CSMD3: variants seen among roughly 807,000 people sequenced by gnomAD.
CSMD3 encodes the protein CUB and Sushi multiple domains 3.
Under a neutral mutation model 435.2 loss-of-function variants are expected in CSMD3, and 177 were observed. The ratio of observed to expected loss-of-function variants is 0.41; its 90% CI spans 0.36 to 0.46. The LOEUF is 0.46. CSMD3 is among the 20% of genes least tolerant of loss of function. The probability of loss-of-function intolerance (pLI) is 0.34; values close to 1 mark genes in which losing one functional copy is unlikely to be tolerated. For missense variants in CSMD3, 4,265 were observed against 4,504.6 expected (o/e 0.95, Z 1.52); for synonymous variants, 1,656 against 1,520.5 (o/e 1.09, Z -2.07).
At chr8:113,081,263 A>G (rs1405134734) in intron 5 of CSMD3, among the ~76,000 whole-genome samples, 3 of 152,176 alleles carry the variant, frequency 2.0e-5, no homozygotes, top group Non-Finnish European at 2.9e-5. Context: ...CTACAGATCC[A>G]TGTTCACTGT....
chr8:113,272,565 G>GT (rs2093537370), intron 3 of CSMD3, among the ~76,000 whole-genome samples: 1 of 152,164 alleles, frequency 6.6e-6, no homozygotes. Context: ...CCAGCACCAT[G>GT]TAAGAAATGT....
At chr8:112,308,724 A>G (rs1465855185) in intron 50 of CSMD3, among the ~76,000 whole-genome samples, 1 of 152,060 alleles carries the variant, frequency 6.6e-6, no homozygotes, top group Non-Finnish European at 1.5e-5. Context: ...TGTGATGAGA[A>G]CAAAAATAAA....
chr8:112,344,994 T>C (rs1825525881), intron 41 of CSMD3, among the ~76,000 whole-genome samples: 1 of 152,152 alleles, frequency 6.6e-6, no homozygotes, highest in African/African-American at 2.4e-5. Context: ...GCACATAAAA[T>C]TTAGGTTGAA....
intron 67 of CSMD3, among the ~76,000 whole-genome samples, chr8:112,236,558 G>A (rs1002059578): frequency 1.3e-5 from 2 of 152,118 alleles, no homozygotes; most frequent in African/African-American, 4.8e-5. Context: ...GAATATGTCT[G>A]ACAGCATTTG....
intron 66 of CSMD3, among the ~76,000 whole-genome samples, chr8:112,238,379 C>A (rs868464407): frequency 6.6e-6 from 1 of 152,018 alleles, no homozygotes. Context: ...GCTGTGTATT[C>A]CCTGAATTCT....
intron 4 of CSMD3, among the ~76,000 whole-genome samples, chr8:113,145,741 C>A (rs1208062358): frequency 6.6e-6 from 1 of 151,478 alleles, no homozygotes; most frequent in Non-Finnish European, 1.5e-5. Context: ...TTTCCATTTT[C>A]TAGATTGGTA....
At chr8:113,177,972 C>T (rs1257003642) in intron 3 of CSMD3, among the ~76,000 whole-genome samples, 1 of 151,862 alleles carries the variant, frequency 6.6e-6, no homozygotes, top group East Asian at 1.9e-4. Flanking sequence ...TTCAGTGACA[C>T]TCTTCTCTAT....
intron 9 of CSMD3, among the ~76,000 whole-genome samples, chr8:112,932,032 T>A (rs1295443220): frequency 6.6e-6 from 1 of 152,274 alleles, no homozygotes; most frequent in South Asian, 2.1e-4. Flanking sequence ...TGGGGGGCAG[T>A]ATGAAGAGTT....
At position 112,423,336 on chromosome 8, in the gene CSMD3, A is replaced by G. The variant is rs564100250; in HGVS notation, c.5396-14304T>C. Among the ~76,000 whole-genome samples the G allele has an allele frequency of 2.5e-4, 38 of 152,298 alleles. 1 individual carries two copies. The highest frequency in any genetic ancestry group is 1.8e-3 in the Admixed American group (27 of 15,294). ...ACTGATTTTTGGCAACATTATTGTC[A>G]TCATCATCAAAAGCACATAAGAGTC... On this transcript the variant is annotated intron_variant, in intron 32 of 70. Transcript: ENST00000297405.
intron 11 of CSMD3, among the ~76,000 whole-genome samples, chr8:112,832,738 C>G (rs1422303610): frequency 6.6e-6 from 1 of 152,062 alleles, no homozygotes; most frequent in African/African-American, 2.4e-5. Context: ...AAAAGAAGAC[C>G]CAGATATCCA....
chr8:112,430,896 ATGTGTGTGTGTG>A (rs61496543), intron 32 of CSMD3, among the ~76,000 whole-genome samples: 1 of 148,588 alleles, frequency 6.7e-6, no homozygotes, highest in Non-Finnish European at 1.5e-5. Context: ...TTGTGTGTAT[ATGTGTGTGTGTG>A]TGTGTGTGTG....
At chr8:112,573,010 G>A (rs188905585) in intron 24 of CSMD3, among the ~76,000 whole-genome samples, 2 of 152,020 alleles carry the variant, frequency 1.3e-5, no homozygotes, top group African/African-American at 4.8e-5. Context: ...AGAACTGTGA[G>A]AAAGTATTTG....
chr8:113,012,931 A>G (rs1025864711), intron 6 of CSMD3, among the ~76,000 whole-genome samples: 22 of 152,212 alleles, frequency 1.4e-4, no homozygotes, highest in African/African-American at 5.1e-4. Context: ...GTAGGGGTTC[A>G]TGACTAGAAT....
intron 32 of CSMD3, among the ~76,000 whole-genome samples, chr8:112,453,875 A>G (rs942618971): frequency 2.0e-5 from 3 of 152,184 alleles, no homozygotes; most frequent in Non-Finnish European, 2.9e-5. Context: ...CTATAAGGCT[A>G]CGGTAACCAA....
In CSMD3 at chr8:112,636,995, A is replaced by C. The variant is rs757378608; in HGVS notation, c.3537T>G (p.Leu1179=). ...GFNITFSEYN[L]EPCEDPGIPQ... ...GAATGCCAGGATCTTCACAAGGTTC[A>C]AGGTTATATTCTGTAAATTAGAGAG... is the stretch of plus-strand genomic sequence containing the variant. Residue 1179 remains leucine, a synonymous_variant, in exon 22 of 71, where the codon CTT becomes CTG. Coordinates refer to ENST00000297405, the MANE Select transcript of CSMD3 (RefSeq NM_198123.2). 1 of 1,613,652 alleles carries C rather than the reference A, an allele frequency of 6.2e-7. No individual in the cohort carries two copies. The highest frequency in any genetic ancestry group is 1.1e-5 in the South Asian group (1 of 91,082).
chr8:112,948,854 G>A (rs771298117), intron 8 of CSMD3, among the ~76,000 whole-genome samples: 20 of 151,938 alleles, frequency 1.3e-4, no homozygotes, highest in Non-Finnish European at 2.5e-4. Context: ...TCTACCTCTA[G>A]ATATTCTAAT....
chr8:112,291,820 A>G (rs1015300419), intron 55 of CSMD3, 125 bp from the exon 56 acceptor site: 10 of 652,472 alleles, frequency 1.5e-5, no homozygotes, highest in African/African-American at 3.7e-5. Context: ...AGATTCCAAT[A>G]ATAAAATTAA....
At chr8:112,851,030 T>C (rs2080468303) in intron 11 of CSMD3, among the ~76,000 whole-genome samples, 1 of 152,230 alleles carries the variant, frequency 6.6e-6, no homozygotes, top group African/African-American at 2.4e-5. Context: ...TCATCTTGTG[T>C]AGTTATTACT....
intron 13 of CSMD3, among the ~76,000 whole-genome samples, chr8:112,720,934 C>T (rs1466291819): frequency 6.6e-6 from 1 of 152,118 alleles, no homozygotes; most frequent in Non-Finnish European, 1.5e-5. Flanking sequence ...TGGAATGTAT[C>T]CTCATCTCCC....
Sources: allele counts gnomAD v4.1 joint callset (sites outside exome capture counted in the v4.1 genomes callset), GRCh38; gene constraint gnomAD v4.1.1; transcripts MANE v1.5; gene names NCBI Gene and HGNC (gene_info 2026-07-23, HGNC 2026-07-21).